The following SEPTIN9 variants were observed in gnomAD, a reference collection of about 807,000 sequenced individuals.
The protein encoded by SEPTIN9 is septin-9.
SEPTIN9 carries 13 observed loss-of-function variants against 56.6 expected under a neutral mutation model. That is an observed-to-expected ratio of 0.23 (90% CI 0.15 to 0.37). SEPTIN9 has a LOEUF of 0.37. Among genes scored for constraint, SEPTIN9 ranks in the 10% least tolerant of loss-of-function variants. SEPTIN9 has a pLI of 1.00. For synonymous variants in SEPTIN9, 332 were observed against 334.1 expected, an observed-to-expected ratio of 0.99 and a Z score of 0.07; for missense variants, 650 against 823.1, an observed-to-expected ratio of 0.79 and a Z score of 2.57.
At chr17:77,452,798 C>T (rs1463724796) in intron 3 of SEPTIN9, among the ~76,000 whole-genome samples, 1 of 151,376 alleles carries the variant, frequency 6.6e-6, no homozygotes, top group African/African-American at 2.4e-5. Flanking sequence ...GAATGTCATT[C>T]TCTTTGGCCA....
chr17:77,299,900 T>G (rs1389500035), intron 1 of SEPTIN9, among the ~76,000 whole-genome samples: 1 of 152,190 alleles, frequency 6.6e-6, no homozygotes, highest in African/African-American at 2.4e-5. Flanking sequence ...TCCATGGGCC[T>G]TCTTTGGCTT....
At chr17:77,292,532 C>T (rs895810785) in intron 1 of SEPTIN9, among the ~76,000 whole-genome samples, 7 of 150,690 alleles carry the variant, frequency 4.6e-5, no homozygotes, top group African/African-American at 1.2e-4. Context: ...CTCGCTCTGT[C>T]GCCCAGGCTG....
chr17:77,381,574 C>T (rs970201126), intron 2 of SEPTIN9, among the ~76,000 whole-genome samples: 1 of 152,272 alleles, frequency 6.6e-6, no homozygotes, highest in African/African-American at 2.4e-5. Flanking sequence ...TGGCTCCAAA[C>T]CAGGCCTGGA....
At chr17:77,305,274 G>C (rs2032215937) in intron 1 of SEPTIN9, among the ~76,000 whole-genome samples, 1 of 152,168 alleles carries the variant, frequency 6.6e-6, no homozygotes, top group African/African-American at 2.4e-5. Flanking sequence ...TTCCGCAGCT[G>C]TGCGACCTTG....
At chr17:77,465,948 G>T (rs2038699981) in intron 3 of SEPTIN9, among the ~76,000 whole-genome samples, 1 of 152,068 alleles carries the variant, frequency 6.6e-6, no homozygotes, top group African/African-American at 2.4e-5. Context: ...AACCAAGGGA[G>T]ACAAGACCTT....
intron 3 of SEPTIN9, among the ~76,000 whole-genome samples, chr17:77,411,088 A>G (rs1015579821): frequency 8.9e-5 from 11 of 124,024 alleles, no homozygotes; most frequent in South Asian, 3.0e-4. Flanking sequence ...CCCATCTGGG[A>G]AAAAAAAAAA....
chr17:77,498,419 G>A (rs1332754484), intron 11 of SEPTIN9, 104 bp from the exon 12 acceptor site: 1 of 725,572 alleles, frequency 1.4e-6, no homozygotes, highest in African/African-American at 1.8e-5. Context: ...TGGGGGTGGG[G>A]GCAGGCGGGC....
At chr17:77,485,485 A>G (rs2039738296) in intron 4 of SEPTIN9, among the ~76,000 whole-genome samples, 1 of 151,284 alleles carries the variant, frequency 6.6e-6, no homozygotes, top group Admixed American at 6.6e-5. Flanking sequence ...TGGTAATAGC[A>G]GTGATGGTAT....
chr17:77,379,417 C>T (rs1427585890), intron 2 of SEPTIN9, among the ~76,000 whole-genome samples: 1 of 152,024 alleles, frequency 6.6e-6, no homozygotes, highest in Non-Finnish European at 1.5e-5. Flanking sequence ...TGGGCATCAC[C>T]CAGGGTAATA....
chr17:77,359,795 TAA>T lies in SEPTIN9; in HGVS notation c.77-42260_77-42259del, dbSNP rs2034357902. 2.7e-5 allele frequency among the ~76,000 whole-genome samples: 4 copies of T among 150,422 alleles called. No individual in the cohort carries two copies. The South Asian group carries it at 6.5e-4, about 24-fold the overall frequency. On this transcript the variant is annotated intron_variant, in intron 2 of 11. Transcript: ENST00000427177. ...TGGGTGACAGAGCAGGACCTGTCTC[TAA>T]AAACAATAAAATAAAATCAAAGTTT...
chr17:77,332,363 G>A (rs1261456086), intron 2 of SEPTIN9, among the ~76,000 whole-genome samples: 6 of 151,364 alleles, frequency 4.0e-5, no homozygotes, highest in Non-Finnish European at 7.4e-5. Flanking sequence ...AGATTCCACA[G>A]CAACCATTTT....
chr17:77,465,026 C>G (rs772088122), intron 3 of SEPTIN9, among the ~76,000 whole-genome samples: 1 of 152,204 alleles, frequency 6.6e-6, no homozygotes, highest in Non-Finnish European at 1.5e-5. Context: ...CCCTAGCCAC[C>G]GCTCATCTGC....
intron 3 of SEPTIN9, 194 bp from the exon 4 acceptor site, chr17:77,481,950 A>G (rs958614924): frequency 1.7e-6 from 1 of 603,632 alleles, no homozygotes; most frequent in African/African-American, 1.9e-5. Flanking sequence ...GCAGGATGGC[A>G]GCTTTTTAGA....
chr17:77,450,757 A>AT lies in SEPTIN9; in HGVS notation c.722-31386dup. On this transcript the variant is annotated intron_variant, in intron 3 of 11. Coordinates refer to ENST00000427177, the MANE Select transcript of SEPTIN9 (RefSeq NM_001113491.2). The surrounding 1 kb of genome is among the most constrained non-coding windows in gnomAD (Gnocchi z 6.0). ...GAGGCAGGAGCTGGATCAGATCTGA[A>AT]TCCAGAGGCTCTCGGAGGAAGAGCT... 2 of 985,730 alleles carry AT rather than the reference A, an allele frequency of 2.0e-6. No individual in the cohort carries two copies. Among genetic ancestry groups the AT allele is most frequent in the Non-Finnish European group, 2.4e-6 (2 of 830,378 alleles). The allele number at this position is 985,730 out of a possible 1,614,324, so 61.1% of individuals were successfully genotyped here.
intron 3 of SEPTIN9, chr17:77,469,562 C>T (rs921269640): frequency 7.2e-5 from 11 of 152,138 alleles, no homozygotes; most frequent in African/African-American, 2.7e-4. Context: ...GTGTCTCTAC[C>T]CTGAGCTCAG....
At chr17:77,335,585 T>C (rs1362044969) in intron 2 of SEPTIN9, among the ~76,000 whole-genome samples, 2 of 150,918 alleles carry the variant, frequency 1.3e-5, no homozygotes, top group African/African-American at 4.9e-5. Context: ...CCTATATTAG[T>C]ATATGTACAT....
At chr17:77,345,863 G>A (rs951562578) in intron 2 of SEPTIN9, among the ~76,000 whole-genome samples, 6 of 152,220 alleles carry the variant, frequency 3.9e-5, no homozygotes, top group Non-Finnish European at 8.8e-5. Flanking sequence ...GGCCTGGCAG[G>A]ATGTATGCAG....
chr17:77,443,197 T>C (rs2037614049), intron 3 of SEPTIN9, among the ~76,000 whole-genome samples: 1 of 152,056 alleles, frequency 6.6e-6, no homozygotes, highest in Non-Finnish European at 1.5e-5. Context: ...TTGCTTTGTA[T>C]TGAGTGTTGA....
intron 2 of SEPTIN9, among the ~76,000 whole-genome samples, chr17:77,337,135 G>A (rs1015424924): frequency 2.0e-5 from 3 of 151,332 alleles, no homozygotes; most frequent in African/African-American, 7.3e-5. Flanking sequence ...TAAGTAGCAG[G>A]GACTATAGGC....
Sources: gnomAD v4.1 joint callset for allele counts (sites outside exome capture counted in the v4.1 genomes callset) on GRCh38, gnomAD v4.1.1 for gene constraint, Gnocchi (gnomAD v3.1) non-coding constraint, MANE v1.5 for transcripts, NCBI Gene and HGNC (gene_info 2026-07-23, HGNC 2026-07-21) for gene names.